DISC1: variants seen among roughly 807,000 people sequenced by gnomAD.
DISC1 encodes disrupted in schizophrenia 1 protein.
Under a neutral mutation model 84.5 loss-of-function variants are expected in DISC1, and 57 were observed. The observed-to-expected ratio is 0.67, with a 90% CI of 0.55 to 0.84. DISC1 has a LOEUF of 0.84. Among genes scored for constraint, DISC1 ranks in the 40% least tolerant of loss-of-function variants. The pLI is 0.00. For synonymous variants in DISC1, 411 were observed against 415.2 expected, an observed-to-expected ratio of 0.99 and a Z score of 0.12; for missense variants, 1,000 against 1,057.8, an observed-to-expected ratio of 0.95 and a Z score of 0.76.
intron 9 of DISC1, among the ~76,000 whole-genome samples, chr1:231,910,012 C>T (rs1463556121): frequency 1.1e-4 from 17 of 152,104 alleles, no homozygotes; most frequent in South Asian, 2.1e-4. Flanking sequence ...TCTGTGGGAT[C>T]GGTGGTGATA....
rs577308599 is a variant in DISC1 at position 232,036,718 on chromosome 1, G to A, written c.2452G>A (p.Val818Met). ...IQSLRRELQMVKETLQAMILQ... is the reference protein window; with the variant it reads ...IQSLRRELQMMKETLQAMILQ... Reference sequence around the variant, plus strand: ...GTCTCTCAGGAGGGAGCTCCAGATGGTGAAGGAAACTCTGCAGGCCATGAT... The same window carrying A: ...GTCTCTCAGGAGGGAGCTCCAGATGATGAAGGAAACTCTGCAGGCCATGAT... The change falls in exon 13 of 13, where the codon GTG (valine) becomes ATG (methionine). Residue 818 changes from valine (V) to methionine (M), a missense_variant. Around this residue, in one of 3 missense-constraint regions of DISC1, gnomAD observed 397 missense variants for 377.5 expected, o/e 1.05. Coordinates refer to ENST00000439617, the MANE Select transcript of DISC1 (RefSeq NM_018662.3). 23 of 1,603,806 alleles carry A rather than the reference G, an allele frequency of 1.4e-5. No homozygotes were observed. In the Admixed American group the frequency reaches 2.7e-4, roughly 19 times the overall value.
In DISC1 at chr1:231,976,302, C is replaced by T. The variant is rs150337835; in HGVS notation, c.2042+17414C>T. Reference sequence around the variant, plus strand: ...TATTTCATAGCCTCTGGGTGTCAGCCGTGAATCTCACTTTAAGCCCCGCTA... The same window carrying T: ...TATTTCATAGCCTCTGGGTGTCAGCTGTGAATCTCACTTTAAGCCCCGCTA... On this transcript the variant is annotated intron_variant, in intron 10 of 12. Transcript: ENST00000439617. Among the ~76,000 whole-genome samples, 81 of 152,188 alleles carry T rather than the reference C, an allele frequency of 5.3e-4. No homozygotes were observed. The East Asian group carries it at 0.013, about 25-fold the overall frequency.
chr1:231,714,019 A>G (rs1293350343), intron 3 of DISC1, among the ~76,000 whole-genome samples: 2 of 151,890 alleles, frequency 1.3e-5, no homozygotes, highest in Non-Finnish European at 2.9e-5. Flanking sequence ...TAAAGAATCC[A>G]CAAGAAAGCT....
chr1:231,718,054 G>C (rs962850984), intron 3 of DISC1, among the ~76,000 whole-genome samples: 10 of 152,052 alleles, frequency 6.6e-5, no homozygotes, highest in African/African-American at 2.4e-4. Flanking sequence ...TGGACTTTCA[G>C]CTCTCCCGGG....
At chr1:231,882,257 A>G (rs1421169293) in intron 9 of DISC1, among the ~76,000 whole-genome samples, 1 of 152,106 alleles carries the variant, frequency 6.6e-6, no homozygotes, top group Non-Finnish European at 1.5e-5. Flanking sequence ...ATCTCTAAAT[A>G]TTCCCTGGAG....
chr1:231,804,603 G>C (rs2079560256), intron 8 of DISC1, among the ~76,000 whole-genome samples: 1 of 152,084 alleles, frequency 6.6e-6, no homozygotes, highest in African/African-American at 2.4e-5. Flanking sequence ...TTATAGGCAT[G>C]AGCTCCTGGC....
intron 5 of DISC1, 110 bp from the exon 6 acceptor site, chr1:231,770,725 T>G: frequency 6.5e-7 from 1 of 1,533,816 alleles, no homozygotes; most frequent in Non-Finnish European, 8.8e-7. Context: ...AGGGGAGTTT[T>G]GTAGTTCTGG....
At chr1:231,723,959 C>T in intron 3 of DISC1, 1 of 985,396 alleles carries the variant, frequency 1.0e-6, no homozygotes, top group African/African-American at 1.7e-5. Context: ...GATGGTGACT[C>T]CAGGAAGGAA....
intron 2 of DISC1, among the ~76,000 whole-genome samples, chr1:231,701,482 G>C (rs1033334996): frequency 6.6e-6 from 1 of 152,198 alleles, no homozygotes; most frequent in African/African-American, 2.4e-5. Context: ...CTTCTCAGAA[G>C]GGTTTTGTGA....
chr1:232,025,722 A>G (rs866313984), intron 11 of DISC1, among the ~76,000 whole-genome samples: 36 of 151,016 alleles, frequency 2.4e-4, no homozygotes, highest in African/African-American at 4.6e-4. Flanking sequence ...TCAGCCTCCC[A>G]AGTAGCTGGG....
chr1:232,027,942 G>A (rs1669631276), intron 12 of DISC1, among the ~76,000 whole-genome samples: 1 of 151,908 alleles, frequency 6.6e-6, no homozygotes, highest in African/African-American at 2.4e-5. Flanking sequence ...TTACATTTTT[G>A]ACCTTGTTTA....
chr1:231,950,099 G>T (rs922602669), intron 9 of DISC1, among the ~76,000 whole-genome samples: 2 of 152,052 alleles, frequency 1.3e-5, no homozygotes, highest in Non-Finnish European at 2.9e-5. Context: ...GTGGATTGGG[G>T]CTTGTTTTAA....
intron 9 of DISC1, among the ~76,000 whole-genome samples, chr1:231,942,817 G>A (rs570347508): frequency 3.9e-5 from 6 of 152,212 alleles, no homozygotes; most frequent in South Asian, 2.1e-4. Context: ...GCTGAGCACC[G>A]GGCATTGCCT....
intron 9 of DISC1, among the ~76,000 whole-genome samples, chr1:231,848,410 T>A (rs1402538183): frequency 6.6e-6 from 1 of 152,192 alleles, no homozygotes; most frequent in Non-Finnish European, 1.5e-5. Context: ...TCTTTTGAAG[T>A]TCCTCTAGGG....
intron 10 of DISC1, among the ~76,000 whole-genome samples, chr1:232,007,353 G>A (rs527317227): frequency 6.6e-6 from 1 of 152,144 alleles, no homozygotes; most frequent in South Asian, 2.1e-4. Context: ...CCAGGAGGGG[G>A]ACTGTACCCT....
intron 10 of DISC1, among the ~76,000 whole-genome samples, chr1:232,002,653 T>G (rs1772702): frequency 0.43 from 64,701 of 150,528 alleles, 17,030 homozygotes; most frequent in African/African-American, 0.75. Context: ...GCCAATCCCT[T>G]AAGGTATCTA....
chr1:231,793,269 C>T (rs1356376353), intron 6 of DISC1, among the ~76,000 whole-genome samples: 1 of 152,164 alleles, frequency 6.6e-6, no homozygotes, highest in African/African-American at 2.4e-5. Flanking sequence ...CCCCAGAAAC[C>T]TTGACCTTTC....
At chr1:231,981,009 C>T (rs956920332) in intron 10 of DISC1, among the ~76,000 whole-genome samples, 7 of 152,182 alleles carry the variant, frequency 4.6e-5, no homozygotes, top group African/African-American at 1.2e-4. Context: ...TGCAGTGGCA[C>T]GATCACAGCT....
chr1:231,797,484 G>C (rs1182904489), intron 7 of DISC1, among the ~76,000 whole-genome samples: 1 of 152,144 alleles, frequency 6.6e-6, no homozygotes, highest in Admixed American at 6.6e-5. Context: ...TCTGGTGAGA[G>C]GCCCTCTTAC....
Sources: allele counts gnomAD v4.1 joint callset (sites outside exome capture counted in the v4.1 genomes callset), GRCh38; gene constraint gnomAD v4.1.1; regional missense constraint gnomAD v4.1.1; transcripts MANE v1.5; gene names NCBI Gene and HGNC (gene_info 2026-07-23, HGNC 2026-07-21).